Variants in HTR4 observed in about 807,000 individuals in gnomAD.
The protein encoded by HTR4 is 5-hydroxytryptamine receptor 4.
Under a neutral mutation model 36.8 loss-of-function variants are expected in HTR4, and 16 were observed. The ratio of observed to expected loss-of-function variants is 0.43; its 90% CI spans 0.29 to 0.66. The LOEUF (loss-of-function observed/expected upper bound fraction) is 0.66, where lower values mean the gene tolerates loss of function less well. Ranked by LOEUF, HTR4 falls within the 30% of genes least tolerant of loss-of-function variation. The probability of loss-of-function intolerance (pLI) is 0.13; values close to 1 mark genes in which losing one functional copy is unlikely to be tolerated. For synonymous variants in HTR4, 189 were observed against 185.1 expected, an observed-to-expected ratio of 1.02 and a Z score of -0.17; for missense variants, 438 against 490.9, an observed-to-expected ratio of 0.89 and a Z score of 1.02.
chr5:148,481,447 G>T, downstream of HTR4: 2 of 898,190 alleles, frequency 2.2e-6, no homozygotes, highest in South Asian at 1.6e-5. Context: ...CACGAATTCT[G>T]AATAGCATTT....
rs188450705 is a variant in HTR4 at position 148,467,540 on chromosome 5, C to T, written c.1077-16268G>A. Among the ~76,000 whole-genome samples the T allele has an allele frequency of 5.2e-3, 791 of 152,270 alleles. 8 individuals are homozygous for T. The highest frequency in any genetic ancestry group is 0.015 in the African/African-American group (619 of 41,534). On this transcript the variant is annotated intron_variant, in intron 5 of 5. Coordinates refer to the HTR4 transcript ENST00000521530. ...GAAGAGGATATAATGCTTATGAACACTTGTTTCCACCACAACATGCTTAAA... is the reference window on the plus strand; with the variant it reads ...GAAGAGGATATAATGCTTATGAACATTTGTTTCCACCACAACATGCTTAAA...
At chr5:148,567,470 T>C (rs1182403758) in intron 2 of HTR4, among the ~76,000 whole-genome samples, 1 of 152,180 alleles carries the variant, frequency 6.6e-6, no homozygotes, top group Non-Finnish European at 1.5e-5. Flanking sequence ...CTCAAAATTA[T>C]TCAATGGCTT....
At chr5:148,586,881 C>T (rs1761367498) in intron 2 of HTR4, among the ~76,000 whole-genome samples, 3 of 152,300 alleles carry the variant, frequency 2.0e-5, no homozygotes, top group Non-Finnish European at 4.4e-5. Flanking sequence ...TTACTCTCTG[C>T]TGCCCTAATC....
At chr5:148,498,590 G>A (rs1334044403) in intron 6 of HTR4, among the ~76,000 whole-genome samples, 1 of 152,054 alleles carries the variant, frequency 6.6e-6, no homozygotes, top group African/African-American at 2.4e-5. Context: ...GATATAACAG[G>A]AATTAAATAA....
chr5:148,471,816 T>G (rs1032693828), downstream of HTR4, among the ~76,000 whole-genome samples: 4 of 152,200 alleles, frequency 2.6e-5, no homozygotes, highest in African/African-American at 9.7e-5. Flanking sequence ...ATGTCCAGAT[T>G]TTTAGGGAAA....
At chr5:148,614,832 C>T (rs963511743) in intron 2 of HTR4, among the ~76,000 whole-genome samples, 5 of 152,148 alleles carry the variant, frequency 3.3e-5, no homozygotes, top group Admixed American at 6.5e-5. Context: ...AACAAATTTA[C>T]AAGAAAAAGC....
intron 5 of HTR4, among the ~76,000 whole-genome samples, chr5:148,520,110 A>C (rs1757942599): frequency 6.6e-6 from 1 of 152,194 alleles, no homozygotes; most frequent in Non-Finnish European, 1.5e-5. Context: ...TTTTCCCTGG[A>C]AGCAAAGATT....
At chr5:148,521,006 G>A (rs1451084848) in intron 5 of HTR4, 4 of 1,367,082 alleles carry the variant, frequency 2.9e-6, no homozygotes, top group African/African-American at 3.0e-5. Context: ...AGAATGCGGT[G>A]AAAAGAGGAA....
chr5:148,609,084 CTTAA>C (rs1329070794), intron 2 of HTR4, among the ~76,000 whole-genome samples: 6 of 152,136 alleles, frequency 3.9e-5, no homozygotes, highest in African/African-American at 1.2e-4. Flanking sequence ...TGAATAATTA[CTTAA>C]TTAATGATTT....
chr5:148,600,976 CAA>C (rs58003522), intron 2 of HTR4, among the ~76,000 whole-genome samples: 148 of 13,496 alleles, frequency 0.011, no homozygotes, highest in African/African-American at 0.028. Context: ...AACTCAATAG[CAA>C]AAAAAAAAAA....
At chr5:148,637,086 G>A (rs1753571509) in intron 1 of HTR4, 25 bp from the exon 2 acceptor site, 2 of 1,485,438 alleles carry the variant, frequency 1.3e-6, no homozygotes, top group Admixed American at 1.7e-5. Context: ...GTAAAAAGAT[G>A]TTATAAAAGA....
intron 5 of HTR4, chr5:148,520,805 A>G (rs1166141434): frequency 1.7e-6 from 2 of 1,167,456 alleles, no homozygotes; most frequent in Non-Finnish European, 2.3e-6. Flanking sequence ...GGTGAAACTG[A>G]CAGTTTAAAA....
chr5:148,629,681 T>G (rs1753250658), intron 2 of HTR4: 1 of 152,196 alleles, frequency 6.6e-6, no homozygotes, highest in Admixed American at 6.5e-5. Flanking sequence ...CTGAGCTTCC[T>G]GCAGTCAAGC....
intron 1 of HTR4, among the ~76,000 whole-genome samples, chr5:148,639,958 G>C (rs762039618): frequency 2.6e-5 from 4 of 152,040 alleles, no homozygotes; most frequent in Non-Finnish European, 5.9e-5. Context: ...GTGTTAATAA[G>C]TACCAGACAT....
At chr5:148,632,458 T>A (rs1038208139) in intron 2 of HTR4, among the ~76,000 whole-genome samples, 1 of 152,140 alleles carries the variant, frequency 6.6e-6, no homozygotes, top group Admixed American at 6.6e-5. Context: ...CCCCAGGGAC[T>A]GCAGGGTCAG....
At chr5:148,619,029 A>C (rs1368391059) in intron 2 of HTR4, among the ~76,000 whole-genome samples, 2 of 152,174 alleles carry the variant, frequency 1.3e-5, no homozygotes, top group Non-Finnish European at 2.9e-5. Context: ...GATTGAAAAG[A>C]AAGTGAATGA....
In HTR4 at chr5:148,482,199, C is replaced by T. The variant is rs201812796; in HGVS notation, c.*1004G>A. Reference sequence around the variant, plus strand: ...CCTGCCCTCCTGCACCTTGGGGGAGCTGCAGGGGAAAATGAGTTTCCCCAG... The same window carrying T: ...CCTGCCCTCCTGCACCTTGGGGGAGTTGCAGGGGAAAATGAGTTTCCCCAG... On this transcript the variant is annotated 3_prime_UTR_variant, in exon 7 of 7. Transcript: ENST00000377888. The T allele has an allele frequency of 3.7e-5, 36 of 985,534 alleles. No individual in the cohort carries two copies. In the African/African-American group the frequency reaches 6.1e-4, roughly 17 times the overall value. The allele number at this position is 985,534 out of a possible 1,614,324, so 61.0% of individuals were successfully genotyped here.
downstream of HTR4, among the ~76,000 whole-genome samples, chr5:148,473,415 G>T (rs553822324): frequency 1.4e-4 from 22 of 151,866 alleles, no homozygotes; most frequent in Admixed American, 1.2e-3. Flanking sequence ...AAGAATAAAT[G>T]TAAGAGACTT....
chr5:148,464,342 A>T (rs1040183943), intron 5 of HTR4, among the ~76,000 whole-genome samples: 9 of 152,330 alleles, frequency 5.9e-5, no homozygotes, highest in Admixed American at 4.6e-4. Flanking sequence ...CATACCTGAT[A>T]CCAAAGGCAT....
Sources: gnomAD v4.1 joint callset for allele counts (sites outside exome capture counted in the v4.1 genomes callset) on GRCh38, gnomAD v4.1.1 for gene constraint, MANE v1.5 for transcripts, NCBI Gene and HGNC (gene_info 2026-07-23, HGNC 2026-07-21) for gene names.